NME7: variants seen among roughly 807,000 people sequenced by gnomAD.
NME7 encodes NME/NM23 family member 7.
A neutral mutation model predicts 49.1 loss-of-function variants in NME7; 41 were observed. The ratio of observed to expected loss-of-function variants is 0.83; its 90% CI spans 0.65 to 1.08. NME7 has a LOEUF of 1.08. Ranked by LOEUF, NME7 falls within the 50% of genes least tolerant of loss-of-function variation. The pLI is 0.00. For missense variants in NME7, 423 were observed against 463.4 expected (o/e 0.91, Z 0.80); for synonymous variants, 139 against 150.6 (o/e 0.92, Z 0.56).
At chr1:169,232,917 T>C (rs71557654) in intron 9 of NME7, among the ~76,000 whole-genome samples, 365 of 55,338 alleles carry the variant, frequency 6.6e-3, no homozygotes, top group Non-Finnish European at 8.3e-3. Flanking sequence ...CTTTTCTTTT[T>C]TTTTTTTTTT....
intron 3 of NME7, among the ~76,000 whole-genome samples, chr1:169,312,995 A>G (rs751480800): frequency 2.0e-5 from 3 of 152,326 alleles, no homozygotes; most frequent in Non-Finnish European, 2.9e-5. Flanking sequence ...CATAAAGTGT[A>G]TATCTGCCCC....
intron 1 of NME7, among the ~76,000 whole-genome samples, chr1:169,366,066 T>G (rs553595388): frequency 6.6e-6 from 1 of 152,130 alleles, no homozygotes; most frequent in African/African-American, 2.4e-5. Context: ...AATTGAAATT[T>G]AGAAGCAAAA....
At chr1:169,350,484 G>A (rs1266934546) in intron 1 of NME7, among the ~76,000 whole-genome samples, 1 of 151,986 alleles carries the variant, frequency 6.6e-6, no homozygotes, top group Non-Finnish European at 1.5e-5. Context: ...CTTGAAGAAA[G>A]CAGGAGTGAT....
At chr1:169,229,683 G>A (rs1380005927) in intron 10 of NME7, among the ~76,000 whole-genome samples, 3 of 152,104 alleles carry the variant, frequency 2.0e-5, no homozygotes, top group South Asian at 2.1e-4. Context: ...ATAAATGGCC[G>A]GGCATAGCGG....
At chr1:169,284,768 T>C (rs1380845602) in intron 7 of NME7, 2 of 152,180 alleles carry the variant, frequency 1.3e-5, no homozygotes, top group Non-Finnish European at 2.9e-5. Flanking sequence ...GTATACGGTA[T>C]AAGGAAGGGG....
chr1:169,292,384 A>G (rs1313637268), intron 6 of NME7, among the ~76,000 whole-genome samples: 1 of 152,198 alleles, frequency 6.6e-6, no homozygotes, highest in African/African-American at 2.4e-5. Context: ...GAGGATGAAA[A>G]TGCAAACCAC....
intron 1 of NME7, among the ~76,000 whole-genome samples, chr1:169,361,134 T>C (rs960236652): frequency 2.0e-5 from 3 of 152,150 alleles, no homozygotes; most frequent in African/African-American, 7.2e-5. Flanking sequence ...CAATAAATAC[T>C]TTCTCGAATA....
rs1332783725 is a variant in NME7 at position 169,275,896 on chromosome 1, G to C, written c.754+11407C>G. 3.7e-5 allele frequency among the ~76,000 whole-genome samples: 5 copies of C among 133,508 alleles called. 1 individual carries two copies. Among genetic ancestry groups the C allele is most frequent in the Non-Finnish European group, 7.0e-5 (4 of 56,784 alleles). 87.6% of individuals were successfully genotyped at this position (133,508 alleles called of 152,430 possible). A position where few individuals can be genotyped will look rare whatever the true frequency, so the allele number is the denominator to read the frequency against. ...ATTTATTGAGAGTTTTTAGCATGAA[G>C]GGTTGTTGAATTTTGTCAAAGGCCT... On this transcript the variant is annotated intron_variant, in intron 7 of 11. Transcript: ENST00000367811.
At chr1:169,201,337 A>G (rs1208496485) in intron 10 of NME7, among the ~76,000 whole-genome samples, 1 of 152,104 alleles carries the variant, frequency 6.6e-6, no homozygotes, top group Non-Finnish European at 1.5e-5. Flanking sequence ...TACTCAGGAG[A>G]CATTGGGAGC....
At chr1:169,239,771 T>G (rs1273258750) in intron 7 of NME7, among the ~76,000 whole-genome samples, 1 of 151,922 alleles carries the variant, frequency 6.6e-6, no homozygotes, top group East Asian at 1.9e-4. Flanking sequence ...AGAATACATA[T>G]TCAAGGCAAA....
chr1:169,177,030 G>C (rs904609135), intron 10 of NME7, among the ~76,000 whole-genome samples: 9 of 151,922 alleles, frequency 5.9e-5, no homozygotes, highest in African/African-American at 2.2e-4. Flanking sequence ...TTAACACCCT[G>C]GACCTGAAAG....
chr1:169,170,751 C>A (rs1019454272), intron 10 of NME7, among the ~76,000 whole-genome samples: 2 of 152,092 alleles, frequency 1.3e-5, no homozygotes, highest in Admixed American at 6.6e-5. Flanking sequence ...CCTGTCTCAA[C>A]ATGGTGAAAC....
At chr1:169,230,449 G>A (rs3766078) in intron 10 of NME7, among the ~76,000 whole-genome samples, 10,650 of 151,826 alleles carry the variant, frequency 0.07, 1,487 homozygotes, top group East Asian at 0.66. Context: ...GTATTTACCT[G>A]GACAATTTAG....
chr1:169,199,791 TC>T (rs1457544915), intron 10 of NME7, among the ~76,000 whole-genome samples: 3 of 152,108 alleles, frequency 2.0e-5, no homozygotes, highest in African/African-American at 4.8e-5. Context: ...AAAAGTTTAC[TC>T]AGCCAAAATT....
chr1:169,230,485 C>T (rs367828116), intron 10 of NME7, among the ~76,000 whole-genome samples: 6 of 151,848 alleles, frequency 4.0e-5, no homozygotes, highest in Non-Finnish European at 5.9e-5. Flanking sequence ...AAAGAAAATG[C>T]GATAGTAAAT....
At chr1:169,229,921 C>T (rs947798078) in intron 10 of NME7, among the ~76,000 whole-genome samples, 5 of 151,198 alleles carry the variant, frequency 3.3e-5, no homozygotes, top group African/African-American at 9.7e-5. Context: ...GAGATTGCAC[C>T]GCTGCACTCT....
chr1:169,204,111 A>G (rs1254691430), intron 10 of NME7, among the ~76,000 whole-genome samples: 1 of 151,710 alleles, frequency 6.6e-6, no homozygotes, highest in Admixed American at 6.6e-5. Flanking sequence ...CCACCTTAGC[A>G]TCCCAAAGTG....
chr1:169,146,601 T>C (rs959171580), intron 11 of NME7, among the ~76,000 whole-genome samples: 6 of 152,170 alleles, frequency 3.9e-5, no homozygotes, highest in African/African-American at 1.4e-4. Flanking sequence ...TTCAAAAGCC[T>C]CAAATGATTA....
chr1:169,212,778 T>A (rs1046249015), intron 10 of NME7, among the ~76,000 whole-genome samples: 1 of 151,714 alleles, frequency 6.6e-6, no homozygotes, highest in Non-Finnish European at 1.5e-5. Flanking sequence ...CCAGCTAAGG[T>A]TTTTTTGTTT....
Sources: gnomAD v4.1 joint callset for allele counts (sites outside exome capture counted in the v4.1 genomes callset) on GRCh38, gnomAD v4.1.1 for gene constraint, MANE v1.5 for transcripts, NCBI Gene and HGNC (gene_info 2026-07-23, HGNC 2026-07-21) for gene names.